Variants in ACSBG2 observed in about 807,000 individuals in gnomAD.
ACSBG2 encodes the protein acyl-CoA synthetase bubblegum family member 2.
ACSBG2 carries 62 observed loss-of-function variants against 74.7 expected under a neutral mutation model. The observed-to-expected ratio is 0.83, with a 90% confidence interval of 0.68 to 1.03. ACSBG2 has a LOEUF of 1.03. Among genes scored for constraint, ACSBG2 ranks in the 50% least tolerant of loss-of-function variants. ACSBG2 has a pLI of 0.00. For missense variants in ACSBG2, 730 were observed against 817.6 expected, an observed-to-expected ratio of 0.89 and a Z score of 1.31; for synonymous variants, 309 against 294.1, an observed-to-expected ratio of 1.05 and a Z score of -0.52.
At chr19:6,158,093 T>C (rs1457249453) in intron 5 of ACSBG2, among the ~76,000 whole-genome samples, 2 of 150,500 alleles carry the variant, frequency 1.3e-5, no homozygotes, top group East Asian at 3.9e-4. Flanking sequence ...TCTCGCTCTG[T>C]CGCCCAGGTT....
chr19:6,159,227 G>T (rs2089527528), intron 5 of ACSBG2, among the ~76,000 whole-genome samples: 1 of 152,188 alleles, frequency 6.6e-6, no homozygotes, highest in Non-Finnish European at 1.5e-5. Context: ...CAAAGTGCTG[G>T]GATTACAGGC....
intron 1 of ACSBG2, among the ~76,000 whole-genome samples, chr19:6,138,101 T>G (rs986137975): frequency 6.6e-6 from 1 of 152,134 alleles, no homozygotes; most frequent in Non-Finnish European, 1.5e-5. Context: ...TCCTCGTGGG[T>G]AGTTTTAAAG....
Position 6,174,419 on chromosome 19 carries a change from AG to A in ACSBG2, c.739-2809del, listed in dbSNP as rs1237321125. 6.6e-6 allele frequency among the ~76,000 whole-genome samples: 1 copy of A among 152,244 alleles called. No homozygotes were observed. The highest frequency in any genetic ancestry group is 1.5e-5 in the Non-Finnish European group (1 of 68,040). On this transcript the variant is annotated intron_variant, in intron 7 of 14. Coordinates refer to ENST00000588485, the MANE Select transcript of ACSBG2 (RefSeq NM_030924.5). This position sits in a 1 kb window ranked among gnomAD's most constrained non-coding sequence, Gnocchi z 4.2. ...AATTCCACCTCAGAATGGGAGGAGT[AG>A]CAGAGAATCTGCAGCTCTGTTTAAT...
At chr19:6,166,280 T>TTG (rs35422900) in intron 7 of ACSBG2, among the ~76,000 whole-genome samples, 13,743 of 118,906 alleles carry the variant, frequency 0.12, 915 homozygotes, top group Non-Finnish European at 0.15. Flanking sequence ...GTCAGGAAGG[T>TTG]TGTGTGTGTG....
chr19:6,183,232 C>A lies in ACSBG2; in HGVS notation c.1282C>A (p.Pro428Thr). Residue 428 changes from proline to threonine, a missense_variant, in exon 10 of 15, where the codon CCC (proline) becomes ACC (threonine). Transcript: ENST00000588485. ...GTATGGGTTGAGTGAGAGCTCGGGA[C>A]CCCACACGATATCCAACCAGAATAA... ...ELYGLSESSG[P>T]HTISNQNNYR... The A allele has an allele frequency of 6.2e-7, 1 of 1,614,098 alleles. No individual in the cohort carries two copies. The highest frequency in any genetic ancestry group is 1.1e-5 in the South Asian group (1 of 91,080).
intron 6 of ACSBG2, 94 bp downstream of exon 6, chr19:6,161,389 G>A: frequency 8.4e-7 from 1 of 1,191,746 alleles, no homozygotes; most frequent in Non-Finnish European, 1.2e-6. Context: ...AGAGGGAGGA[G>A]GTCGGACCTG....
intron 5 of ACSBG2, 135 bp from the exon 6 acceptor site, chr19:6,161,080 A>T: frequency 1.7e-6 from 1 of 582,024 alleles, no homozygotes; most frequent in South Asian, 2.4e-5. Flanking sequence ...AGCCTGGGCG[A>T]CAGAGCAAGA....
intron 4 of ACSBG2, among the ~76,000 whole-genome samples, chr19:6,153,926 AGAAG>A (rs780803565): frequency 9.6e-5 from 7 of 73,038 alleles, no homozygotes; most frequent in Non-Finnish European, 2.5e-4. Flanking sequence ...AGAAAAGAAA[AGAAG>A]GAAGGAAGGA....
chr19:6,169,404 G>A (rs2089903131), intron 7 of ACSBG2, among the ~76,000 whole-genome samples: 2 of 152,142 alleles, frequency 1.3e-5, no homozygotes, highest in Admixed American at 6.5e-5. Context: ...TTGGTTGTGT[G>A]TGGCTTAATT....
At position 6,187,716 on chromosome 19, in the gene ACSBG2, G is replaced by A; in HGVS notation, c.1798G>A (p.Asp600Asn). 1.9e-6 allele frequency: 3 copies of A among 1,614,162 alleles called. No homozygotes were observed. The highest frequency in any genetic ancestry group is 1.1e-5 in the South Asian group (1 of 91,078). ...STVTEIVKQQ[D>N]PLVYKAIQQG... Reference sequence around the variant, plus strand: ...CGTGACTGAGATTGTGAAGCAGCAAGACCCCCTGGTCTACAAGGCCATCCA... The same window carrying A: ...CGTGACTGAGATTGTGAAGCAGCAAAACCCCCTGGTCTACAAGGCCATCCA... The change falls in exon 13 of 15, where the codon GAC becomes AAC. Residue 600 changes from aspartate (D) to asparagine (N), a missense_variant. Coordinates refer to ENST00000588485, the MANE Select transcript of ACSBG2 (RefSeq NM_030924.5).
chr19:6,171,743 T>G (rs574876310), intron 7 of ACSBG2, among the ~76,000 whole-genome samples: 2 of 152,300 alleles, frequency 1.3e-5, no homozygotes, highest in East Asian at 3.8e-4. Flanking sequence ...ATTTCTCATA[T>G]CTAGATGTTG....
intron 3 of ACSBG2, among the ~76,000 whole-genome samples, chr19:6,150,024 T>C (rs965239657): frequency 3.3e-5 from 5 of 151,588 alleles, no homozygotes; most frequent in Non-Finnish European, 7.4e-5. Flanking sequence ...TGCTGGAGCC[T>C]GGGAAGTTGA....
At chr19:6,186,135 A>C (rs1212088577) in intron 11 of ACSBG2, among the ~76,000 whole-genome samples, 1 of 150,746 alleles carries the variant, frequency 6.6e-6, no homozygotes, top group Non-Finnish European at 1.5e-5. Context: ...CTTCTCCTGC[A>C]TTTTAAGAGG....
chr19:6,153,019 G>A (rs1600041671), intron 4 of ACSBG2, among the ~76,000 whole-genome samples: 2 of 151,936 alleles, frequency 1.3e-5, no homozygotes, highest in Middle Eastern at 6.8e-3. Flanking sequence ...CAAGGCAGGC[G>A]GATCACAAGG....
rs1219840525 is a variant in ACSBG2 at position 6,141,514 on chromosome 19, G to T, written c.-30G>T. 1 of 1,544,568 alleles carries T rather than the reference G, an allele frequency of 6.5e-7. No homozygotes were observed. The highest frequency in any genetic ancestry group is 1.7e-5 in the Admixed American group (1 of 59,848). ...ACTCCCTGCTTTTTTGCTTTGCAGT[G>T]CTGTGGAGCATGGTTTCTGCACACC... On this transcript the variant is annotated splice_region_variant and 5_prime_UTR_variant, in exon 2 of 15. Coordinates refer to ENST00000588485, the MANE Select transcript of ACSBG2 (RefSeq NM_030924.5).
chr19:6,177,252 G>A lies in ACSBG2; in HGVS notation c.762G>A (p.Val254=). The change falls in exon 8 of 15, where the codon GTG becomes GTA. Residue 254 remains valine, a synonymous_variant. Transcript: ENST00000588485. The stretch of plus-strand genomic sequence containing the variant: ...AGATCACGTGGATTGCAGGAGCAGT[G>A]ACAAAGGACTTTAAACTGACAGACA... ...HDNITWIAGA[V]TKDFKLTDKH... is the part of the protein sequence containing the mutation. The A allele has an allele frequency of 3.1e-6, 5 of 1,614,108 alleles. No individual in the cohort carries two copies. The highest frequency in any genetic ancestry group is 4.2e-6 in the Non-Finnish European group (5 of 1,180,016).
intron 6 of ACSBG2, among the ~76,000 whole-genome samples, chr19:6,163,810 C>G (rs1040112903): frequency 7.2e-6 from 1 of 139,032 alleles, no homozygotes; most frequent in Non-Finnish European, 1.5e-5. Flanking sequence ...AACAGCCAGG[C>G]GTGGTGGTGC....
chr19:6,150,982 C>T (rs1200543914), intron 3 of ACSBG2, among the ~76,000 whole-genome samples: 3 of 151,472 alleles, frequency 2.0e-5, no homozygotes, highest in African/African-American at 7.3e-5. Flanking sequence ...GGCGTGGTGG[C>T]GCGTGTCTGT....
chr19:6,137,065 A>ACTCCG (rs1483752226), intron 1 of ACSBG2, among the ~76,000 whole-genome samples: 1 of 151,990 alleles, frequency 6.6e-6, no homozygotes, highest in Non-Finnish European at 1.5e-5. Flanking sequence ...TTCTTTTCAT[A>ACTCCG]CTCCGGATAC....
Sources: allele counts gnomAD v4.1 joint callset (sites outside exome capture counted in the v4.1 genomes callset), GRCh38; gene constraint gnomAD v4.1.1; non-coding constraint Gnocchi (gnomAD v3.1); transcripts MANE v1.5; gene names NCBI Gene and HGNC (gene_info 2026-07-23, HGNC 2026-07-21).